The following KIF3B variants were observed in gnomAD, a reference collection of about 807,000 sequenced individuals.
KIF3B encodes the protein kinesin family member 3B.
A neutral mutation model predicts 74.3 loss-of-function variants in KIF3B; 38 were observed. That is an observed-to-expected ratio of 0.51 (90% CI 0.39 to 0.67). The LOEUF (loss-of-function observed/expected upper bound fraction) is 0.67, where lower values mean the gene tolerates loss of function less well. Among genes scored for constraint, KIF3B ranks in the 30% least tolerant of loss-of-function variants. The pLI, the probability that KIF3B is intolerant of heterozygous loss-of-function variation, is 0.00. For synonymous variants in KIF3B, 326 were observed against 342.5 expected (o/e 0.95, Z 0.53); for missense variants, 649 against 932.0 (o/e 0.70, Z 3.95).
chr20:32,326,388 A>G (rs2047903805), intron 5 of KIF3B, among the ~76,000 whole-genome samples: 1 of 152,190 alleles, frequency 6.6e-6, no homozygotes, highest in South Asian at 2.1e-4. Context: ...CTTGGTTATC[A>G]GCACCAGTGG....
chr20:32,285,210 T>C (rs1044655365), intron 1 of KIF3B, among the ~76,000 whole-genome samples: 1 of 151,964 alleles, frequency 6.6e-6, no homozygotes, highest in East Asian at 1.9e-4. Flanking sequence ...CAAACAGATA[T>C]CTCATTTGGT....
intron 1 of KIF3B, among the ~76,000 whole-genome samples, chr20:32,291,824 C>G (rs565678992): frequency 1.3e-5 from 2 of 152,204 alleles, no homozygotes; most frequent in East Asian, 3.9e-4. Context: ...ACCATGTTAG[C>G]TAGGCTGGTC....
intron 2 of KIF3B, among the ~76,000 whole-genome samples, chr20:32,315,317 C>G (rs1350746529): frequency 6.6e-6 from 1 of 152,148 alleles, no homozygotes; most frequent in Admixed American, 6.5e-5. Flanking sequence ...CCTCACAAAA[C>G]AATCTTTTTT....
intron 5 of KIF3B, among the ~76,000 whole-genome samples, chr20:32,325,266 G>A (rs1291748874): frequency 6.6e-6 from 1 of 152,148 alleles, no homozygotes; most frequent in African/African-American, 2.4e-5. Context: ...TTGGCTCACT[G>A]CAACCTCTGC....
chr20:32,281,776 C>T (rs570167141), intron 1 of KIF3B, among the ~76,000 whole-genome samples: 2 of 152,198 alleles, frequency 1.3e-5, no homozygotes, highest in South Asian at 2.1e-4. Context: ...AGGATGGTGA[C>T]GTTTTTGCTG....
intron 1 of KIF3B, among the ~76,000 whole-genome samples, chr20:32,300,300 C>CA (rs1383549936): frequency 6.6e-6 from 1 of 151,656 alleles, no homozygotes; most frequent in Non-Finnish European, 1.5e-5. Context: ...TTTTTTGAGA[C>CA]AGAGTCTCTC....
intron 5 of KIF3B, 93 bp from the exon 6 acceptor site, chr20:32,326,676 ACT>A: frequency 1.5e-6 from 1 of 669,882 alleles, no homozygotes; most frequent in South Asian, 1.8e-5. Context: ...ATGTGCCTTG[ACT>A]CTTACCTGAT....
intron 1 of KIF3B, among the ~76,000 whole-genome samples, chr20:32,299,472 G>A (rs1435100605): frequency 2.3e-5 from 3 of 130,834 alleles, no homozygotes; most frequent in Admixed American, 8.9e-5. Flanking sequence ...GCACAGTGTC[G>A]CAATCTCAGC....
In KIF3B at chr20:32,322,718, T is replaced by A. The variant is rs1443184515; in HGVS notation, c.1749-4053T>A. 1.2e-4 allele frequency among the ~76,000 whole-genome samples: 7 copies of A among 57,948 alleles called. 1 individual carries two copies. The highest frequency in any genetic ancestry group is 6.5e-4 in the Admixed American group (2 of 3,064). 38.0% of individuals were successfully genotyped at this position (57,948 alleles called of 152,430 possible). A position where few individuals can be genotyped will look rare whatever the true frequency, so the allele number is the denominator to read the frequency against. ...TATATATTTATATATTTATATATAT[T>A]TATATTTATTTATTTATATATATTT... On this transcript the variant is annotated intron_variant, in intron 5 of 8. Coordinates refer to ENST00000375712, the MANE Select transcript of KIF3B (RefSeq NM_004798.4).
At position 32,317,023 on chromosome 20, in the gene KIF3B, G is replaced by A. The variant is rs547144423; in HGVS notation, c.1748+149G>A. The A allele has an allele frequency of 1.2e-4, 79 of 650,088 alleles. No homozygotes were observed. In the East Asian group the frequency reaches 1.4e-3, roughly 11 times the overall value. 40.3% of individuals were successfully genotyped at this position (650,088 alleles called of 1,614,324 possible). ...AGCGGAGGCGGGCAGATCACCTGAT[G>A]TCAGGAGTTCGAGACCAGCCTGACC... is the stretch of plus-strand genomic sequence containing the variant. On this transcript the variant is annotated intron_variant, in intron 5 of 8. Transcript: ENST00000375712.
At chr20:32,308,748 C>T (rs1308119121) in intron 1 of KIF3B, among the ~76,000 whole-genome samples, 3 of 133,780 alleles carry the variant, frequency 2.2e-5, no homozygotes, top group African/African-American at 8.7e-5. Flanking sequence ...TTTTTTGAGA[C>T]GGAGTCTCGC....
intron 1 of KIF3B, among the ~76,000 whole-genome samples, chr20:32,306,735 C>G (rs1444787062): frequency 1.3e-5 from 2 of 151,952 alleles, no homozygotes; most frequent in Non-Finnish European, 2.9e-5. Flanking sequence ...GCTGGGACTA[C>G]AAGCTTGCGC....
chr20:32,318,025 G>A (rs1284501677), intron 5 of KIF3B, among the ~76,000 whole-genome samples: 7 of 152,096 alleles, frequency 4.6e-5, no homozygotes, highest in Non-Finnish European at 7.4e-5. Context: ...AAATCAGTCC[G>A]GGCATGGTGG....
At chr20:32,312,044 C>G (rs1203954287) in intron 2 of KIF3B, among the ~76,000 whole-genome samples, 1 of 151,570 alleles carries the variant, frequency 6.6e-6, no homozygotes, top group Non-Finnish European at 1.5e-5. Flanking sequence ...CTCAGGTAAT[C>G]TGCCTGTCTC....
intron 1 of KIF3B, among the ~76,000 whole-genome samples, chr20:32,307,431 C>A (rs2047777064): frequency 6.6e-6 from 1 of 152,172 alleles, no homozygotes; most frequent in Non-Finnish European, 1.5e-5. Flanking sequence ...TTTAATCAGT[C>A]TCCTCTTGAT....
intron 5 of KIF3B, among the ~76,000 whole-genome samples, chr20:32,319,064 G>A (rs2047843517): frequency 6.6e-6 from 1 of 151,258 alleles, no homozygotes; most frequent in South Asian, 2.1e-4. Context: ...GGGCTCAAGC[G>A]ATCCTCCCAC....
At chr20:32,278,766 A>G (rs1404234875) in intron 1 of KIF3B, among the ~76,000 whole-genome samples, 2 of 152,268 alleles carry the variant, frequency 1.3e-5, no homozygotes, top group African/African-American at 2.4e-5. Context: ...AGTAATAACT[A>G]TTTACAAGCA....
chr20:32,281,735 A>G (rs548619380), intron 1 of KIF3B, among the ~76,000 whole-genome samples: 2 of 152,232 alleles, frequency 1.3e-5, no homozygotes, highest in South Asian at 4.1e-4. Context: ...AAAAAACCCA[A>G]CAAACAAAAA....
chr20:32,279,340 G>C (rs1000482885), intron 1 of KIF3B, among the ~76,000 whole-genome samples: 10 of 152,082 alleles, frequency 6.6e-5, no homozygotes, highest in African/African-American at 2.4e-4. Context: ...CTATTATAAG[G>C]CCACAGGGGT....
Sources: gnomAD v4.1 joint callset for allele counts (sites outside exome capture counted in the v4.1 genomes callset) on GRCh38, gnomAD v4.1.1 for gene constraint, MANE v1.5 for transcripts, NCBI Gene and HGNC (gene_info 2026-07-23, HGNC 2026-07-21) for gene names.